RASA4: variants seen among roughly 807,000 people sequenced by gnomAD.
The protein encoded by RASA4 is ras GTPase-activating protein 4.
Under a neutral mutation model 24.0 loss-of-function variants are expected in RASA4, and 5 were observed. The observed-to-expected ratio is 0.21, with a 90% CI of 0.11 to 0.44. The LOEUF is 0.44. Among genes scored for constraint, RASA4 ranks in the 20% least tolerant of loss-of-function variants. The probability of loss-of-function intolerance (pLI) is 0.99; values close to 1 mark genes in which losing one functional copy is unlikely to be tolerated. For synonymous variants in RASA4, 9 were observed against 132.7 expected (o/e 0.07, Z 6.41); for missense variants, 38 against 293.0 (o/e 0.13, Z 6.35).
intron 18 of RASA4, chr7:102,587,373 A>C (rs1789804997): frequency 4.7e-6 from 2 of 422,508 alleles, no homozygotes; most frequent in African/African-American, 4.9e-5. Flanking sequence ...GAAGAAATAA[A>C]AAGAAATGGG....
intron 1 of RASA4, among the ~76,000 whole-genome samples, chr7:102,611,841 GA>G (rs1374060719): frequency 9.2e-3 from 459 of 49,926 alleles, no homozygotes; most frequent in African/African-American, 0.028. Context: ...GAAACTGAGG[GA>G]GGGGGTGAGA....
At chr7:102,602,668 C>T (rs1790402449) in intron 5 of RASA4, among the ~76,000 whole-genome samples, 1 of 100,326 alleles carries the variant, frequency 1.0e-5, no homozygotes, top group African/African-American at 4.3e-5. Context: ...CCAGTGGCTG[C>T]ACCTTGCTCT....
Position 102,605,904 on chromosome 7 carries a change from G to C in RASA4, c.382C>G (p.Pro128Ala). 1.3e-6 allele frequency: 2 copies of C among 1,588,258 alleles called. No individual in the cohort carries two copies. The highest frequency in any genetic ancestry group is 1.7e-6 in the Non-Finnish European group (2 of 1,166,614). Residue 128 changes from proline (P) to alanine (A), a missense_variant, in exon 5 of 21, where the codon CCA (proline) becomes GCA (alanine). By Grantham distance (27) the Pro-to-Ala change is conservative. Coordinates refer to ENST00000262940, the MANE Select transcript of RASA4 (RefSeq NM_006989.6). ...CGTAGCCGGCAGGCCCGGGCCCCTGGCCACACTTCCAGCCGCAGGTGGATC... is the reference window on the plus strand; with the variant it reads ...CGTAGCCGGCAGGCCCGGGCCCCTGCCCACACTTCCAGCCGCAGGTGGATC... Reference protein sequence around the residue: ...GEIHLRLEVWPGARACRLRCS... With the variant: ...GEIHLRLEVWAGARACRLRCS...
chr7:102,599,721 G>A, intron 8 of RASA4, 139 bp downstream of exon 8: 1 of 269,388 alleles, frequency 3.7e-6, no homozygotes, highest in Non-Finnish European at 7.0e-6. Flanking sequence ...AGGTGGGCAG[G>A]GGCTGAGGGG....
At chr7:102,603,865 C>CA (rs60895813) in intron 5 of RASA4, among the ~76,000 whole-genome samples, 127 of 80,068 alleles carry the variant, frequency 1.6e-3, no homozygotes, top group African/African-American at 2.8e-3. Flanking sequence ...AAAAAACCAC[C>CA]AAAAAAAAAA....
At chr7:102,613,465 TG>T (rs1269524028) in intron 1 of RASA4, among the ~76,000 whole-genome samples, 1 of 122,228 alleles carries the variant, frequency 8.2e-6, no homozygotes, top group African/African-American at 2.9e-5. Flanking sequence ...CGAGTCCTGG[TG>T]TGCAAGGACT....
intron 4 of RASA4, among the ~76,000 whole-genome samples, chr7:102,606,652 T>G (rs1586855363): frequency 1.3e-5 from 1 of 77,672 alleles, no homozygotes; most frequent in Non-Finnish European, 2.8e-5. Context: ...CCAGACTGGG[T>G]GATAGAGCAA....
chr7:102,605,913 C>G lies in RASA4; in HGVS notation c.373G>C (p.Glu125Gln), dbSNP rs1194453326. ...EVQGEIHLRL[E>Q]VWPGARACRL... ...CAGGCCCGGGCCCCTGGCCACACTT[C>G]CAGCCGCAGGTGGATCTCGCCCTGC... Residue 125 changes from glutamate (E) to glutamine (Q), a missense_variant, in exon 5 of 21, where the codon GAA becomes CAA. By Grantham distance (29) the Glu-to-Gln change is conservative. Transcript: ENST00000262940. 2 of 1,592,708 alleles carry G rather than the reference C, an allele frequency of 1.3e-6. No homozygotes were observed. Among genetic ancestry groups the G allele is most frequent in the East Asian group, 2.3e-5 (1 of 44,126 alleles).
At chr7:102,594,882 G>C (rs1196311307) in intron 11 of RASA4, among the ~76,000 whole-genome samples, 11 of 28,956 alleles carry the variant, frequency 3.8e-4, no homozygotes, top group Non-Finnish European at 8.9e-4. Flanking sequence ...CATTCTCTTT[G>C]GGGGGGGGGG....
At chr7:102,591,836 C>G (rs1384778843) in intron 16 of RASA4, among the ~76,000 whole-genome samples, 1 of 138,332 alleles carries the variant, frequency 7.2e-6, no homozygotes. Flanking sequence ...CCTCCATATT[C>G]ATTTTTTTTT....
chr7:102,590,986 A>C (rs1246671911), intron 16 of RASA4, among the ~76,000 whole-genome samples: 1 of 146,194 alleles, frequency 6.8e-6, no homozygotes, highest in Non-Finnish European at 1.5e-5. Context: ...ATGCCCATGT[A>C]GTCAAATCTT....
chr7:102,591,830 C>T (rs1490090063), intron 16 of RASA4, among the ~76,000 whole-genome samples: 123 of 145,312 alleles, frequency 8.5e-4, no homozygotes, highest in Non-Finnish European at 1.2e-3. Flanking sequence ...CAACTTCCTC[C>T]ATATTCATTT....
Position 102,581,285 on chromosome 7 carries a change from A to G in RASA4, c.*1486T>C, listed in dbSNP as rs1213894855. On this transcript the variant is annotated 3_prime_UTR_variant, in exon 21 of 21. Coordinates refer to ENST00000262940, the MANE Select transcript of RASA4 (RefSeq NM_006989.6). ...AGGGACTTCTGTGTCCTCATAACCC[A>G]CAAAAGCCCTGCCCACCCTGCCCCG... 1 of 152,698 alleles carries G rather than the reference A, an allele frequency of 6.5e-6. No homozygotes were observed. The highest frequency in any genetic ancestry group is 1.5e-5 in the Non-Finnish European group (1 of 68,498). The allele number at this position is 152,698 out of a possible 1,614,324, so 9.5% of individuals were successfully genotyped here. A position where few individuals can be genotyped will look rare whatever the true frequency, so the allele number is the denominator to read the frequency against.
At position 102,588,867 on chromosome 7, in the gene RASA4, G is replaced by C. The variant is rs902841850; in HGVS notation, c.1969-1097C>G. Among the ~76,000 whole-genome samples, 4 of 40,008 alleles carry C rather than the reference G, an allele frequency of 1.0e-4. 1 individual carries two copies. The highest frequency in any genetic ancestry group is 2.3e-4 in the African/African-American group (4 of 17,062). 26.2% of individuals were successfully genotyped at this position (40,008 alleles called of 152,430 possible). ...CTCCCTGACCACTCTTAATAGGACA[G>C]ACCGCTCCCTGCTATACCCCACTCT... On this transcript the variant is annotated intron_variant, in intron 17 of 20. Coordinates refer to ENST00000262940, the MANE Select transcript of RASA4 (RefSeq NM_006989.6).
chr7:102,610,797 AGTT>A (rs1351600883), intron 2 of RASA4, among the ~76,000 whole-genome samples: 24 of 134,668 alleles, frequency 1.8e-4, no homozygotes, highest in Admixed American at 1.3e-3. Context: ...CACAAATGAG[AGTT>A]GTTGTTACAA....
Position 102,580,531 on chromosome 7 carries a change from C to G in RASA4, c.*2240G>C, listed in dbSNP as rs1789641229. On this transcript the variant is annotated 3_prime_UTR_variant, in exon 21 of 21. Coordinates refer to ENST00000262940, the MANE Select transcript of RASA4 (RefSeq NM_006989.6). ...GACTAGAGGTGTGCACCGTCACACCCAGCTTCAAGTCTCTTATTATAAAGT... is the reference window on the plus strand; with the variant it reads ...GACTAGAGGTGTGCACCGTCACACCGAGCTTCAAGTCTCTTATTATAAAGT... The G allele has an allele frequency of 2.8e-5, 1 of 35,442 alleles. No individual in the cohort carries two copies. The highest frequency in any genetic ancestry group is 7.7e-5 in the Non-Finnish European group (1 of 13,030). The allele number at this position is 35,442 out of a possible 1,614,324, so 2.2% of individuals were successfully genotyped here.
At chr7:102,603,132 C>T (rs1361672046) in intron 5 of RASA4, among the ~76,000 whole-genome samples, 6 of 132,332 alleles carry the variant, frequency 4.5e-5, no homozygotes, top group Admixed American at 7.7e-5. Context: ...AGCTAATTTT[C>T]GTATTTTCAG....
chr7:102,599,532 G>A (rs1441626073), intron 8 of RASA4, among the ~76,000 whole-genome samples: 12 of 103,844 alleles, frequency 1.2e-4, no homozygotes, highest in African/African-American at 4.0e-4. Context: ...AGCTACTTGG[G>A]AGGCTGAGGC....
At chr7:102,606,690 A>G (rs1790688045) in intron 4 of RASA4, among the ~76,000 whole-genome samples, 2 of 103,168 alleles carry the variant, frequency 1.9e-5, no homozygotes, top group African/African-American at 3.3e-5. Flanking sequence ...AAAAAAAAAA[A>G]GATGGAGTCT....
Sources: gnomAD v4.1 joint callset for allele counts (sites outside exome capture counted in the v4.1 genomes callset) on GRCh38, gnomAD v4.1.1 for gene constraint, MANE v1.5 for transcripts, NCBI Gene and HGNC (gene_info 2026-07-23, HGNC 2026-07-21) for gene names.